Variants in PTPRZ1 observed in about 807,000 individuals in gnomAD.
PTPRZ1 encodes the protein protein tyrosine phosphatase receptor type Z1.
Under a neutral mutation model 214.1 loss-of-function variants are expected in PTPRZ1, and 82 were observed. That is an observed-to-expected ratio of 0.38 (90% CI 0.32 to 0.46). PTPRZ1 has a LOEUF of 0.46. Ranked by LOEUF, PTPRZ1 falls within the 20% of genes least tolerant of loss-of-function variation. PTPRZ1 has a pLI of 1.00. For synonymous variants in PTPRZ1, 945 were observed against 987.9 expected, an observed-to-expected ratio of 0.96 and a Z score of 0.81; for missense variants, 2,603 against 2,748.7, an observed-to-expected ratio of 0.95 and a Z score of 1.19.
intron 6 of PTPRZ1, among the ~76,000 whole-genome samples, chr7:121,979,830 A>G (rs1797549745): frequency 1.3e-5 from 2 of 152,344 alleles, no homozygotes; most frequent in Non-Finnish European, 1.5e-5. Context: ...ACAAAACAAA[A>G]TGAAAACCAC....
chr7:121,980,560 A>G (rs1300034249), intron 6 of PTPRZ1, among the ~76,000 whole-genome samples: 1 of 152,208 alleles, frequency 6.6e-6, no homozygotes, highest in African/African-American at 2.4e-5. Context: ...TACATGTAGG[A>G]CATATTGACG....
chr7:121,969,561 CAAA>C (rs5887062), intron 3 of PTPRZ1, among the ~76,000 whole-genome samples: 26,704 of 122,954 alleles, frequency 0.22, 2,540 homozygotes, highest in Admixed American at 0.26. Flanking sequence ...AACTCTGTCT[CAAA>C]AAAAAAAAAA....
chr7:122,007,610 T>C (rs1339356375), intron 11 of PTPRZ1, among the ~76,000 whole-genome samples: 2 of 152,156 alleles, frequency 1.3e-5, no homozygotes, highest in African/African-American at 2.4e-5. Context: ...GCATGGAATA[T>C]ATTCATAATG....
At chr7:122,052,772 C>T (rs1455657209) in intron 25 of PTPRZ1, among the ~76,000 whole-genome samples, 1 of 152,140 alleles carries the variant, frequency 6.6e-6, no homozygotes, top group African/African-American at 2.4e-5. Flanking sequence ...CCTGGTTCCT[C>T]TCTTGTAGAG....
intron 8 of PTPRZ1, among the ~76,000 whole-genome samples, chr7:121,990,508 CTG>C (rs1336037160): frequency 3.7e-5 from 5 of 135,908 alleles, no homozygotes; most frequent in Non-Finnish European, 6.2e-5. Context: ...TTAGTGAAAA[CTG>C]TCTTTTTTTT....
intron 1 of PTPRZ1, among the ~76,000 whole-genome samples, chr7:121,917,588 TGTC>T (rs575236996): frequency 2.3e-4 from 35 of 152,280 alleles, no homozygotes; most frequent in African/African-American, 8.2e-4. Flanking sequence ...AAATGATAAT[TGTC>T]GTTATAAGCA....
At chr7:121,889,401 G>C (rs10230347) in intron 1 of PTPRZ1, among the ~76,000 whole-genome samples, 47,898 of 152,038 alleles carry the variant, frequency 0.32, 7,962 homozygotes, top group African/African-American at 0.4. Context: ...GCAAGGTTTT[G>C]TGTGAATGTT....
chr7:122,030,444 C>G, intron 14 of PTPRZ1, among the ~76,000 whole-genome samples: 2 of 152,076 alleles, frequency 1.3e-5, no homozygotes, highest in East Asian at 3.9e-4. Context: ...TTTCTGTTTT[C>G]TTATCTAATT....
Position 121,977,694 on chromosome 7 carries a change from T to G in PTPRZ1, c.619+843T>G, listed in dbSNP as rs151125830. On this transcript the variant is annotated intron_variant, in intron 6 of 29. Coordinates refer to ENST00000393386, the MANE Select transcript of PTPRZ1 (RefSeq NM_002851.3). ...CAGAAGTCAGGAATATGTGAACTCC[T>G]GCAGGGTAGCTTTTATTTTTTTTTT... Among the ~76,000 whole-genome samples, 1,313 of 152,012 alleles carry G rather than the reference T, an allele frequency of 8.6e-3. 13 individuals are homozygous for G. The highest frequency in any genetic ancestry group is 0.016 in the Non-Finnish European group (1,055 of 67,942).
At chr7:121,906,707 C>G (rs1041694878) in intron 1 of PTPRZ1, among the ~76,000 whole-genome samples, 12 of 152,146 alleles carry the variant, frequency 7.9e-5, no homozygotes, top group African/African-American at 2.7e-4. Flanking sequence ...GCAGTGGGTT[C>G]TGACTACACG....
At position 121,961,370 on chromosome 7, in the gene PTPRZ1, A is replaced by C. The variant is rs1023139471; in HGVS notation, c.125-6581A>C. ...GCATTGCCTGAACTTTTCTGCCACC[A>C]TGAGTTTGCTCAGGCTCATCATTCA... On this transcript the variant is annotated intron_variant, in intron 2 of 29. Coordinates refer to ENST00000393386, the MANE Select transcript of PTPRZ1 (RefSeq NM_002851.3). 1.3e-5 allele frequency among the ~76,000 whole-genome samples: 2 copies of C among 152,264 alleles called. 1 individual carries two copies. The highest frequency in any genetic ancestry group is 1.3e-4 in the Admixed American group (2 of 15,300).
At chr7:122,045,676 A>C (rs1444309758) in intron 23 of PTPRZ1, among the ~76,000 whole-genome samples, 1 of 124,258 alleles carries the variant, frequency 8.0e-6, no homozygotes, top group African/African-American at 3.8e-5. Flanking sequence ...CTTTTCCCTA[A>C]ATAAATTACA....
intron 1 of PTPRZ1, among the ~76,000 whole-genome samples, chr7:121,910,728 T>C (rs911321504): frequency 1.3e-5 from 2 of 151,974 alleles, no homozygotes; most frequent in African/African-American, 4.8e-5. Context: ...AAGATGGTGG[T>C]GGTTTGAGTT....
intron 11 of PTPRZ1, among the ~76,000 whole-genome samples, chr7:122,006,140 T>A (rs1798478766): frequency 6.6e-6 from 1 of 152,106 alleles, no homozygotes; most frequent in Non-Finnish European, 1.5e-5. Flanking sequence ...TATTTTCCAT[T>A]TTTTAATGGA....
At chr7:122,043,512 C>T (rs778353034) in intron 22 of PTPRZ1, among the ~76,000 whole-genome samples, 1 of 152,210 alleles carries the variant, frequency 6.6e-6, no homozygotes, top group Non-Finnish European at 1.5e-5. Flanking sequence ...TTTATCTTCA[C>T]TGTTTCTAAA....
chr7:121,978,474 A>G (rs188221405), intron 6 of PTPRZ1, among the ~76,000 whole-genome samples: 215 of 152,316 alleles, frequency 1.4e-3, no homozygotes, highest in African/African-American at 4.7e-3. Context: ...CATGTATTAC[A>G]TGGCAGCATG....
intron 2 of PTPRZ1, among the ~76,000 whole-genome samples, chr7:121,928,505 T>C (rs1400839167): frequency 6.6e-6 from 1 of 152,146 alleles, no homozygotes; most frequent in African/African-American, 2.4e-5. Context: ...TGGGGCTCTG[T>C]TTTTTTCAAC....
chr7:121,873,471 C>CA lies in PTPRZ1; in HGVS notation c.-28dup. ...TCCACTCTGAGAAGCAGAGGAGCCG[C>CA]ACGGCGAGGGGCCGCAGACCGTCTG... On this transcript the variant is annotated 5_prime_UTR_variant, in exon 1 of 30. Transcript: ENST00000393386. The CA allele has an allele frequency of 6.2e-7, 1 of 1,612,858 alleles. No individual in the cohort carries two copies. The highest frequency in any genetic ancestry group is 8.5e-7 in the Non-Finnish European group (1 of 1,179,634).
intron 10 of PTPRZ1, 126 bp downstream of exon 10, chr7:121,998,132 G>T: frequency 9.0e-7 from 1 of 1,113,604 alleles, no homozygotes; most frequent in East Asian, 2.9e-5. Context: ...TCTTAAGTCT[G>T]GATTGCCGGG....
Sources: gnomAD v4.1 joint callset for allele counts (sites outside exome capture counted in the v4.1 genomes callset) on GRCh38, gnomAD v4.1.1 for gene constraint, MANE v1.5 for transcripts, NCBI Gene and HGNC (gene_info 2026-07-23, HGNC 2026-07-21) for gene names.